B4GALNT3: variants seen among roughly 807,000 people sequenced by gnomAD.
B4GALNT3 encodes the protein beta-1,4-N-acetylgalactosaminyltransferase 3.
B4GALNT3 carries 86 observed loss-of-function variants against 120.2 expected under a neutral mutation model. The ratio of observed to expected loss-of-function variants is 0.72; its 90% CI spans 0.60 to 0.86. The LOEUF is 0.86. Ranked by LOEUF, B4GALNT3 falls within the 40% of genes least tolerant of loss-of-function variation. B4GALNT3 has a pLI of 0.00. For missense variants in B4GALNT3, 1,167 were observed against 1,298.9 expected (o/e 0.90, Z 1.56); for synonymous variants, 518 against 510.4 (o/e 1.01, Z -0.20).
chr12:477,615 T>C (rs1946196965), intron 1 of B4GALNT3, among the ~76,000 whole-genome samples: 1 of 152,078 alleles, frequency 6.6e-6, no homozygotes, highest in Non-Finnish European at 1.5e-5. Flanking sequence ...AAAAGGCAAA[T>C]GGAGTCATGA....
At chr12:503,805 A>G (rs558432806) in intron 1 of B4GALNT3, among the ~76,000 whole-genome samples, 69 of 152,250 alleles carry the variant, frequency 4.5e-4, no homozygotes, top group African/African-American at 1.6e-3. Context: ...TTGACCACCT[A>G]CTGCCTTCTT....
chr12:483,739 T>G (rs960197235), intron 1 of B4GALNT3, among the ~76,000 whole-genome samples: 7 of 152,252 alleles, frequency 4.6e-5, no homozygotes, highest in Non-Finnish European at 1.0e-4. Context: ...GTGGCACATG[T>G]GATCTCATTT....
At chr12:541,755 C>T (rs965285056) in intron 3 of B4GALNT3, among the ~76,000 whole-genome samples, 1 of 151,984 alleles carries the variant, frequency 6.6e-6, no homozygotes, top group African/African-American at 2.4e-5. Context: ...TCCCTTTGCT[C>T]AGGCAAGAAA....
chr12:466,812 G>A (rs978036888), intron 1 of B4GALNT3, among the ~76,000 whole-genome samples: 1 of 151,898 alleles, frequency 6.6e-6, no homozygotes, highest in Admixed American at 6.6e-5. Flanking sequence ...ACTACAAAAG[G>A]CCTGATACTG....
intron 13 of B4GALNT3, 61 bp from the exon 14 acceptor site, chr12:553,133 A>G: frequency 1.3e-6 from 2 of 1,581,710 alleles, no homozygotes; most frequent in Non-Finnish European, 1.7e-6. Flanking sequence ...TCTGTCTTGT[A>G]TGTCTTGTTT....
At chr12:512,077 CACCTTCG>C (rs1946579432) in intron 1 of B4GALNT3, among the ~76,000 whole-genome samples, 1 of 133,160 alleles carries the variant, frequency 7.5e-6, no homozygotes, top group Non-Finnish European at 1.6e-5. Context: ...TTCAACCTTC[CACCTTCG>C]ACCTTCCACC....
intron 1 of B4GALNT3, among the ~76,000 whole-genome samples, chr12:534,179 A>G (rs942643349): frequency 6.6e-6 from 1 of 152,216 alleles, no homozygotes; most frequent in African/African-American, 2.4e-5. Flanking sequence ...ACTACTTGCT[A>G]AGTGAGCCTT....
intron 1 of B4GALNT3, among the ~76,000 whole-genome samples, chr12:489,977 A>G (rs1294927025): frequency 6.6e-6 from 1 of 152,248 alleles, no homozygotes; most frequent in Non-Finnish European, 1.5e-5. Context: ...AAAGTCCTCA[A>G]ATATATGGAT....
intron 1 of B4GALNT3, among the ~76,000 whole-genome samples, chr12:473,261 C>G (rs897909802): frequency 5.9e-5 from 9 of 152,204 alleles, no homozygotes; most frequent in African/African-American, 2.2e-4. Flanking sequence ...AGCCACCCCA[C>G]TGCCTTTAAA....
chr12:512,591 G>C (rs1252306066), intron 1 of B4GALNT3, among the ~76,000 whole-genome samples: 56 of 28,380 alleles, frequency 2.0e-3, no homozygotes, highest in Middle Eastern at 0.038. Flanking sequence ...TTCCACCTTC[G>C]AGCTTCCACC....
chr12:501,324 AG>A (rs770530322), intron 1 of B4GALNT3, among the ~76,000 whole-genome samples: 5 of 152,222 alleles, frequency 3.3e-5, no homozygotes, highest in Non-Finnish European at 7.3e-5. Flanking sequence ...GTGAAATGTA[AG>A]TGTGTAACTG....
chr12:551,632 G>A (rs767352355), intron 11 of B4GALNT3, among the ~76,000 whole-genome samples: 6 of 152,174 alleles, frequency 3.9e-5, no homozygotes, highest in Non-Finnish European at 8.8e-5. Flanking sequence ...TGGTGACCAC[G>A]AGCTATGTTT....
chr12:530,250 C>A (rs1343620404), intron 1 of B4GALNT3, among the ~76,000 whole-genome samples: 5 of 152,272 alleles, frequency 3.3e-5, no homozygotes, highest in Non-Finnish European at 7.3e-5. Flanking sequence ...AGCCATGGCC[C>A]TGGCGTGTGA....
intron 1 of B4GALNT3, among the ~76,000 whole-genome samples, chr12:495,415 A>C (rs1371832689): frequency 6.6e-6 from 1 of 152,062 alleles, no homozygotes; most frequent in East Asian, 1.9e-4. Flanking sequence ...AGTTCAGCTG[A>C]TCAATGTACC....
rs188008783 is a variant in B4GALNT3, at chr12:473,290, A to G, written c.169+12745A>G. Among the ~76,000 whole-genome samples the G allele has an allele frequency of 7.3e-4, 111 of 152,238 alleles. 1 individual carries two copies. Among genetic ancestry groups the G allele is most frequent in the Admixed American group, 1.6e-3 (25 of 15,284 alleles). On this transcript the variant is annotated intron_variant, in intron 1 of 19. Coordinates refer to ENST00000266383, the MANE Select transcript of B4GALNT3 (RefSeq NM_173593.4). ...CTTTAAATACTTACCAACCCCTTCT[A>G]CATCCCAGGAACTTGTGACTGTAGG... is the stretch of plus-strand genomic sequence containing the variant.
At position 553,512 on chromosome 12, in the gene B4GALNT3, A is replaced by G; in HGVS notation, c.1589A>G (p.Asp530Gly). The G allele has an allele frequency of 6.2e-7, 1 of 1,614,102 alleles. No homozygotes were observed. Among genetic ancestry groups the G allele is most frequent in the Non-Finnish European group, 8.5e-7 (1 of 1,180,016 alleles). Reference sequence around the variant, plus strand: ...CCCAGCCAAGATTCACCTCATTCCGACAAGTGGCCTCCTGGGCACCCTGTG... The same window carrying G: ...CCCAGCCAAGATTCACCTCATTCCGGCAAGTGGCCTCCTGGGCACCCTGTG... ...PEPSQDSPHS[D>G]KWPPGHPVKN... Residue 530 changes from aspartate to glycine, a missense_variant, in exon 14 of 20, where the codon GAC becomes GGC. Physicochemically the swap from Asp to Gly is moderately conservative, Grantham distance 94. Coordinates refer to ENST00000266383, the MANE Select transcript of B4GALNT3 (RefSeq NM_173593.4).
intron 11 of B4GALNT3, 33 bp downstream of exon 11, chr12:551,064 GC>G (rs1253900364): frequency 6.5e-7 from 1 of 1,533,120 alleles, no homozygotes; most frequent in South Asian, 1.1e-5. Flanking sequence ...GGAGAGCAGG[GC>G]TGGCAGAGGG....
At chr12:493,590 T>C (rs1267481403) in intron 1 of B4GALNT3, among the ~76,000 whole-genome samples, 2 of 35,768 alleles carry the variant, frequency 5.6e-5, no homozygotes, top group Admixed American at 5.4e-4. Context: ...TGAAATATAA[T>C]GGTTTTTTTT....
At position 460,651 on chromosome 12, in the gene B4GALNT3, C is replaced by A; in HGVS notation, c.169+106C>A. On this transcript the variant is annotated intron_variant, in intron 1 of 19. Coordinates refer to ENST00000266383, the MANE Select transcript of B4GALNT3 (RefSeq NM_173593.4). The surrounding 1 kb of genome is among the most constrained non-coding windows in gnomAD (Gnocchi z 8.0). ...TCCCATCCTCAGACCCGATTTCCCA[C>A]CCATTTCTCCCTCAGGTGCCCGGCG... 1 of 1,100,942 alleles carries A rather than the reference C, an allele frequency of 9.1e-7. No homozygotes were observed. Among genetic ancestry groups the A allele is most frequent in the Non-Finnish European group, 1.2e-6 (1 of 862,270 alleles). 68.2% of individuals were successfully genotyped at this position (1,100,942 alleles called of 1,614,324 possible). A position where few individuals can be genotyped will look rare whatever the true frequency, so the allele number is the denominator to read the frequency against.
Sources: gnomAD v4.1 joint callset for allele counts (sites outside exome capture counted in the v4.1 genomes callset) on GRCh38, gnomAD v4.1.1 for gene constraint, Gnocchi (gnomAD v3.1) non-coding constraint, MANE v1.5 for transcripts, NCBI Gene and HGNC (gene_info 2026-07-23, HGNC 2026-07-21) for gene names.